SLC25A21: variants seen among roughly 807,000 people sequenced by gnomAD.
The protein encoded by SLC25A21 is mitochondrial 2-oxodicarboxylate carrier.
SLC25A21 carries 47 observed loss-of-function variants against 43.8 expected under a neutral mutation model. That is an observed-to-expected ratio of 1.07 (90% CI 0.85 to 1.37). The LOEUF is 1.37. Ranked by LOEUF, SLC25A21 falls within the 40% of genes most tolerant of loss-of-function variation. The pLI is 0.00. For synonymous variants in SLC25A21, 131 were observed against 121.3 expected (o/e 1.08, Z -0.52); for missense variants, 352 against 350.2 (o/e 1.00, Z -0.04).
chr14:36,748,755 T>C (rs1331550865), intron 3 of SLC25A21, among the ~76,000 whole-genome samples: 1 of 152,204 alleles, frequency 6.6e-6, no homozygotes, highest in African/African-American at 2.4e-5. Flanking sequence ...TGCTGATAAC[T>C]GTCATACATC....
intron 3 of SLC25A21, among the ~76,000 whole-genome samples, chr14:36,766,644 G>A (rs985572349): frequency 6.6e-6 from 1 of 152,048 alleles, no homozygotes; most frequent in Non-Finnish European, 1.5e-5. Context: ...CTGGCCTCTG[G>A]GTCTTTGTTT....
At chr14:36,760,612 G>T (rs1749927) in intron 3 of SLC25A21, among the ~76,000 whole-genome samples, 24,334 of 152,174 alleles carry the variant, frequency 0.16, 2,215 homozygotes, top group Middle Eastern at 0.25. Flanking sequence ...ACACACACAA[G>T]ATTTTTCTGT....
intron 1 of SLC25A21, among the ~76,000 whole-genome samples, chr14:37,020,537 C>G (rs965172304): frequency 2.7e-5 from 4 of 150,886 alleles, no homozygotes; most frequent in African/African-American, 4.9e-5. Flanking sequence ...CAGAAATATA[C>G]AATGTACTTG....
At chr14:37,161,564 T>C (rs1020417275) in intron 1 of SLC25A21, among the ~76,000 whole-genome samples, 3 of 152,184 alleles carry the variant, frequency 2.0e-5, no homozygotes, top group African/African-American at 7.2e-5. Flanking sequence ...ATAGGATCTT[T>C]AAGGATGTAA....
intron 1 of SLC25A21, among the ~76,000 whole-genome samples, chr14:37,012,142 G>A (rs1330995192): frequency 3.3e-5 from 5 of 152,050 alleles, no homozygotes; most frequent in African/African-American, 1.2e-4. Context: ...ATACCTGTCA[G>A]GACTTTGGAA....
At chr14:37,085,888 G>T (rs1488489506) in intron 1 of SLC25A21, among the ~76,000 whole-genome samples, 1 of 152,148 alleles carries the variant, frequency 6.6e-6, no homozygotes, top group East Asian at 1.9e-4. Context: ...GGCAGATCAC[G>T]AGGTCAGGAG....
chr14:36,802,366 A>T (rs1036131345), intron 3 of SLC25A21, among the ~76,000 whole-genome samples: 1 of 152,188 alleles, frequency 6.6e-6, no homozygotes, highest in African/African-American at 2.4e-5. Flanking sequence ...ACATATTTAC[A>T]TAACTATGAA....
At chr14:37,004,303 T>A (rs1351902708) in intron 1 of SLC25A21, among the ~76,000 whole-genome samples, 1 of 152,130 alleles carries the variant, frequency 6.6e-6, no homozygotes, top group Non-Finnish European at 1.5e-5. Flanking sequence ...AAAAAAACTA[T>A]CAGTTGACAT....
intron 3 of SLC25A21, among the ~76,000 whole-genome samples, chr14:36,792,878 GA>G (rs1009109688): frequency 6.6e-6 from 1 of 151,946 alleles, no homozygotes; most frequent in Non-Finnish European, 1.5e-5. Context: ...GTTCCATCAA[GA>G]AAAAATCATT....
Position 36,679,326 on chromosome 14 carries a change from A to ACTT in SLC25A21, c.*1329_*1331dup. ...TATGTCAAAAGCCTTTTATTTTTAT[A>ACTT]CTTCAAATGCTCTAAATTAATAAAA... On this transcript the variant is annotated 3_prime_UTR_variant, in exon 10 of 10. Transcript: ENST00000331299. 4 of 970,206 alleles carry ACTT rather than the reference A, an allele frequency of 4.1e-6. No individual in the cohort carries two copies. Among genetic ancestry groups the ACTT allele is most frequent in the Non-Finnish European group, 4.9e-6 (4 of 816,178 alleles). The allele number at this position is 970,206 out of a possible 1,614,324, so 60.1% of individuals were successfully genotyped here.
intron 1 of SLC25A21, among the ~76,000 whole-genome samples, chr14:37,093,799 C>T (rs780763452): frequency 4.6e-5 from 7 of 152,168 alleles, no homozygotes; most frequent in Non-Finnish European, 1.0e-4. Flanking sequence ...TTCTCTCCAA[C>T]GTGGTGGGAT....
intron 1 of SLC25A21, among the ~76,000 whole-genome samples, chr14:37,105,211 T>C (rs1594795501): frequency 1.3e-5 from 2 of 152,270 alleles, no homozygotes; most frequent in Admixed American, 1.3e-4. Context: ...AGGTAAGTAA[T>C]AATGCCAATG....
chr14:37,024,899 G>A (rs1222335026), intron 1 of SLC25A21, among the ~76,000 whole-genome samples: 1 of 151,972 alleles, frequency 6.6e-6, no homozygotes, highest in Non-Finnish European at 1.5e-5. Flanking sequence ...GCAATATTTA[G>A]AAAATACTTT....
chr14:37,007,501 G>T (rs1960631227), intron 1 of SLC25A21, among the ~76,000 whole-genome samples: 1 of 151,906 alleles, frequency 6.6e-6, no homozygotes, highest in Admixed American at 6.6e-5. Flanking sequence ...TACTCGGGAG[G>T]CTGAGGCAGG....
intron 1 of SLC25A21, among the ~76,000 whole-genome samples, chr14:36,984,890 A>G (rs10143091): frequency 0.43 from 65,176 of 150,808 alleles, 17,584 homozygotes; most frequent in African/African-American, 0.78. Flanking sequence ...TGTTTATTGC[A>G]GCATTATTCA....
intron 1 of SLC25A21, among the ~76,000 whole-genome samples, chr14:36,973,875 G>A (rs746547835): frequency 2.6e-5 from 4 of 152,158 alleles, no homozygotes; most frequent in African/African-American, 9.7e-5. Context: ...GGCAGAATGA[G>A]AAGTAAGTGG....
intron 3 of SLC25A21, among the ~76,000 whole-genome samples, chr14:36,750,338 C>G (rs1017492298): frequency 2.6e-5 from 4 of 152,140 alleles, no homozygotes; most frequent in African/African-American, 9.7e-5. Flanking sequence ...TTCTTATCCC[C>G]CATCAACTAC....
intron 1 of SLC25A21, among the ~76,000 whole-genome samples, chr14:36,974,544 T>C (rs970131238): frequency 1.3e-5 from 2 of 152,224 alleles, no homozygotes; most frequent in African/African-American, 4.8e-5. Context: ...GAAAACTTAC[T>C]TGCCCTAGAA....
intron 1 of SLC25A21, among the ~76,000 whole-genome samples, chr14:37,049,156 GTTCTTGAAATTCCAATAT>G (rs889652111): frequency 3.9e-5 from 6 of 152,144 alleles, no homozygotes; most frequent in African/African-American, 1.2e-4. Flanking sequence ...TCCTTGAAAT[GTTCTTGAAATTCCAATAT>G]TTCTTGAAAT....
Sources: gnomAD v4.1 joint callset for allele counts (sites outside exome capture counted in the v4.1 genomes callset) on GRCh38, gnomAD v4.1.1 for gene constraint, MANE v1.5 for transcripts, NCBI Gene and HGNC (gene_info 2026-07-23, HGNC 2026-07-21) for gene names.